Variants in ZNF567 observed in about 807,000 individuals in gnomAD.
The protein encoded by ZNF567 is zinc finger protein 567.
A neutral mutation model predicts 53.9 loss-of-function variants in ZNF567; 36 were observed. The ratio of observed to expected loss-of-function variants is 0.67; its 90% CI spans 0.51 to 0.88. The LOEUF is 0.88. ZNF567 is among the 40% of genes least tolerant of loss of function. ZNF567 has a pLI of 0.00. For synonymous variants in ZNF567, 224 were observed against 260.4 expected, an observed-to-expected ratio of 0.86 and a Z score of 1.35; for missense variants, 619 against 764.7, an observed-to-expected ratio of 0.81 and a Z score of 2.25.
At position 36,720,762 on chromosome 19, in the gene ZNF567, A is replaced by C; in HGVS notation, c.*94A>C. The stretch of plus-strand genomic sequence containing the variant: ...GCTGAAACATGTTAATGTAATTTTA[A>C]ATCACAAGTCTAATAATTATTAAAG... On this transcript the variant is annotated 3_prime_UTR_variant, in exon 6 of 6. Coordinates refer to ENST00000682579, the MANE Select transcript of ZNF567 (RefSeq NM_001322917.1). The C allele has an allele frequency of 2.6e-6, 3 of 1,137,390 alleles. No individual in the cohort carries two copies. Among genetic ancestry groups the C allele is most frequent in the Non-Finnish European group, 3.6e-6 (3 of 829,202 alleles). The allele number at this position is 1,137,390 out of a possible 1,614,324, so 70.5% of individuals were successfully genotyped here.
chr19:36,727,502 C>T (rs896671477), downstream of ZNF567: 3 of 152,340 alleles, frequency 2.0e-5, no homozygotes, highest in Admixed American at 1.3e-4. Flanking sequence ...GCCTCAGCCT[C>T]CCGAGTAGCT....
intron 2 of ZNF567, among the ~76,000 whole-genome samples, chr19:36,689,877 C>T (rs557681877): frequency 1.3e-5 from 2 of 152,244 alleles, no homozygotes; most frequent in African/African-American, 4.8e-5. Flanking sequence ...TCACGTTTTT[C>T]CCCCTGGAAA....
intron 3 of ZNF567, among the ~76,000 whole-genome samples, chr19:36,699,717 T>C (rs560665618): frequency 6.6e-6 from 1 of 152,292 alleles, no homozygotes; most frequent in African/African-American, 2.4e-5. Context: ...GATTTGGCTC[T>C]CTGTTTGTCT....
At chr19:36,712,625 A>T (rs2039847826) in intron 4 of ZNF567, 113 bp downstream of exon 4, 1 of 1,485,548 alleles carries the variant, frequency 6.7e-7, no homozygotes, top group South Asian at 1.2e-5. Flanking sequence ...TTTCGTTAGC[A>T]GAATGAATGA....
chr19:36,682,408 A>G, the ZNF567 span, among the ~76,000 whole-genome samples: 1 of 151,720 alleles, frequency 6.6e-6, no homozygotes, highest in East Asian at 1.9e-4. Context: ...CAGACACAAG[A>G]GTACATACTA....
At chr19:36,717,028 T>C (rs2040098749) in intron 5 of ZNF567, among the ~76,000 whole-genome samples, 1 of 152,050 alleles carries the variant, frequency 6.6e-6, no homozygotes, top group Admixed American at 6.6e-5. Flanking sequence ...AGTTTCACCA[T>C]GTTGGCCAGG....
chr19:36,719,549 C>G lies in ZNF567; in HGVS notation c.825C>G (p.His275Gln). The G allele has an allele frequency of 1.9e-6, 3 of 1,614,050 alleles. No homozygotes were observed. The highest frequency in any genetic ancestry group is 2.5e-6 in the Non-Finnish European group (3 of 1,179,996). ...KSVLILHQGIHSEEKPYQCHQ... is the reference protein window; with the variant it reads ...KSVLILHQGIQSEEKPYQCHQ... Reference sequence around the variant, plus strand: ...TATTGATTCTGCATCAGGGAATTCACTCAGAAGAAAAACCCTATCAATGTC... The same window carrying G: ...TATTGATTCTGCATCAGGGAATTCAGTCAGAAGAAAAACCCTATCAATGTC... Residue 275 changes from histidine (H) to glutamine (Q), a missense_variant, in exon 6 of 6, where the codon CAC becomes CAG. Physicochemically the swap from His to Gln is conservative, Grantham distance 24. Coordinates refer to ENST00000682579, the MANE Select transcript of ZNF567 (RefSeq NM_001322917.1).
chr19:36,693,391 C>A (rs537554561), intron 2 of ZNF567, among the ~76,000 whole-genome samples: 5 of 152,022 alleles, frequency 3.3e-5, no homozygotes, highest in Non-Finnish European at 7.4e-5. Context: ...CTGAGGAAGT[C>A]GAGGCTGCAG....
the ZNF567 span, chr19:36,668,284 A>G: frequency 4.6e-5 from 7 of 152,268 alleles, no homozygotes; most frequent in African/African-American, 1.7e-4. Context: ...TGGCTGTTCT[A>G]TATGCCCGCG....
intron 5 of ZNF567, among the ~76,000 whole-genome samples, chr19:36,715,378 C>G (rs1235467388): frequency 1.3e-5 from 2 of 150,426 alleles, no homozygotes; most frequent in African/African-American, 4.9e-5. Flanking sequence ...CCAGGCTGGT[C>G]TCGAACTCCT....
At chr19:36,692,768 A>G (rs1301298569) in intron 2 of ZNF567, among the ~76,000 whole-genome samples, 1 of 152,200 alleles carries the variant, frequency 6.6e-6, no homozygotes, top group Non-Finnish European at 1.5e-5. Flanking sequence ...ACCTCTCTGC[A>G]CTATTTTTGC....
chr19:36,715,312 C>G (rs947629101), intron 5 of ZNF567, among the ~76,000 whole-genome samples: 2 of 151,198 alleles, frequency 1.3e-5, no homozygotes, highest in Non-Finnish European at 2.9e-5. Flanking sequence ...AGGTGCCCAC[C>G]ACCATGCCCG....
At chr19:36,682,616 T>A (rs556805642), upstream of ZNF567, among the ~76,000 whole-genome samples, 889 of 147,830 alleles carry the variant, frequency 6.0e-3, 3 homozygotes, top group East Asian at 0.014. Flanking sequence ...TATTATTATT[T>A]TTTTTTTTTG....
rs1470889741 is a variant in ZNF567 at position 36,720,815 on chromosome 19, T to C, written c.*147T>C. The stretch of plus-strand genomic sequence containing the variant: ...CCATACGGAATAACTGTCTACTGTT[T>C]ACTAGCATATAAAATAAGTATGATC... On this transcript the variant is annotated 3_prime_UTR_variant, in exon 6 of 6. Transcript: ENST00000682579. 6.2e-6 allele frequency: 4 copies of C among 642,302 alleles called. No homozygotes were observed. The highest frequency in any genetic ancestry group is 9.4e-6 in the Non-Finnish European group (4 of 426,074). 39.8% of individuals were successfully genotyped at this position (642,302 alleles called of 1,614,324 possible).
At chr19:36,703,515 TG>T (rs2039324561) in intron 3 of ZNF567, among the ~76,000 whole-genome samples, 1 of 152,200 alleles carries the variant, frequency 6.6e-6, no homozygotes, top group South Asian at 2.1e-4. Context: ...TTTGTTTGTC[TG>T]TGCCCTGCCC....
intron 3 of ZNF567, 80 bp downstream of exon 3, chr19:36,694,956 T>C: frequency 7.0e-7 from 1 of 1,425,794 alleles, no homozygotes; most frequent in Non-Finnish European, 9.3e-7. Flanking sequence ...GTGTCGGTCT[T>C]GTCCTACATC....
intron 3 of ZNF567, among the ~76,000 whole-genome samples, chr19:36,697,200 A>C (rs2038931260): frequency 6.6e-6 from 1 of 152,204 alleles, no homozygotes. Context: ...TCAGTGTACC[A>C]GTCTTGTAAA....
At chr19:36,710,915 T>G (rs1307326483) in intron 3 of ZNF567, among the ~76,000 whole-genome samples, 1 of 152,228 alleles carries the variant, frequency 6.6e-6, no homozygotes. Context: ...TTCTGTTGTA[T>G]TTCTGCCTGC....
intron 2 of ZNF567, 109 bp from the exon 3 acceptor site, chr19:36,694,693 G>A (rs1381029866): frequency 3.5e-6 from 2 of 578,372 alleles, no homozygotes; most frequent in African/African-American, 3.9e-5. Context: ...TGTTCAGAGT[G>A]GACAAGGATC....
Sources: allele counts gnomAD v4.1 joint callset (sites outside exome capture counted in the v4.1 genomes callset), GRCh38; gene constraint gnomAD v4.1.1; transcripts MANE v1.5; gene names NCBI Gene and HGNC (gene_info 2026-07-23, HGNC 2026-07-21).